Variants in EPHB1 observed in about 807,000 individuals in gnomAD.
The protein encoded by EPHB1 is ephrin type-B receptor 1.
EPHB1 carries 30 observed loss-of-function variants against 94.4 expected under a neutral mutation model. That is an observed-to-expected ratio of 0.32 (90% CI 0.24 to 0.43). EPHB1 has a LOEUF of 0.43. Ranked by LOEUF, EPHB1 falls within the 20% of genes least tolerant of loss-of-function variation. The pLI, the probability that EPHB1 is intolerant of heterozygous loss-of-function variation, is 1.00. For synonymous variants in EPHB1, 522 were observed against 489.1 expected (o/e 1.07, Z -0.89); for missense variants, 1,055 against 1,308.3 (o/e 0.81, Z 2.99).
chr3:135,208,292 TGTGTGTGTGTGTGTGTGTGTGTGTGTGTG>T, intron 12 of EPHB1, among the ~76,000 whole-genome samples: 1 of 109,048 alleles, frequency 9.2e-6, no homozygotes, highest in African/African-American at 3.6e-5. Context: ...TTTCATGACG[TGTGTGTGTGTGTGTGTGTGTGTGTGTGTG>T]TGTGTGTGTG....
intron 1 of EPHB1, among the ~76,000 whole-genome samples, chr3:134,870,817 C>G (rs992856297): frequency 3.3e-5 from 5 of 152,234 alleles, no homozygotes; most frequent in African/African-American, 7.2e-5. Flanking sequence ...AGTATCTGCT[C>G]CCTCTTAGCC....
intron 11 of EPHB1, among the ~76,000 whole-genome samples, chr3:135,194,925 G>C (rs1942557720): frequency 6.6e-6 from 1 of 151,996 alleles, no homozygotes; most frequent in South Asian, 2.1e-4. Flanking sequence ...TAGTCATCCT[G>C]TGTGTACATT....
At chr3:135,222,418 G>T (rs1420812795) in intron 12 of EPHB1, among the ~76,000 whole-genome samples, 1 of 152,122 alleles carries the variant, frequency 6.6e-6, no homozygotes. Context: ...TGGAAGTCCC[G>T]CGGTTCTCAT....
chr3:135,248,132 G>A (rs1191148064), intron 13 of EPHB1, among the ~76,000 whole-genome samples, 184 bp from the exon 14 acceptor site: 3 of 152,222 alleles, frequency 2.0e-5, no homozygotes, highest in Non-Finnish European at 4.4e-5. Context: ...CTTTCTAGGA[G>A]CCCAATGTCT....
chr3:134,799,479 G>C lies in EPHB1; in HGVS notation c.58+3790G>C, dbSNP rs950243772. 3.9e-5 allele frequency among the ~76,000 whole-genome samples: 6 copies of C among 152,368 alleles called. 1 individual carries two copies. The East Asian group carries it at 9.6e-4, about 24-fold the overall frequency. The stretch of plus-strand genomic sequence containing the variant: ...GAACGATCACCATTACTCAGTGTTT[G>C]TGGAGCTGCCTCCTCAAGCCACGCA... On this transcript the variant is annotated intron_variant, in intron 1 of 15. Transcript: ENST00000398015.
Position 135,249,439 on chromosome 3 carries a change from T to G in EPHB1, c.2794T>G (p.Phe932Val). Reference sequence around the variant, plus strand: ...CAAAATGGTCCAGTACAGGGACAGCTTCCTCACTGCTGGCTTCACCTCCCT... The same window carrying G: ...CAAAATGGTCCAGTACAGGGACAGCGTCCTCACTGCTGGCTTCACCTCCCT... ...AIKMVQYRDS[F>V]LTAGFTSLQL... The change falls in exon 15 of 16, where the codon TTC becomes GTC. Residue 932 changes from phenylalanine (F) to valine (V), a missense_variant. Transcript: ENST00000398015. 6.2e-7 allele frequency: 1 copy of G among 1,614,050 alleles called. No homozygotes were observed. The highest frequency in any genetic ancestry group is 8.5e-7 in the Non-Finnish European group (1 of 1,179,892).
At chr3:135,059,953 G>C (rs899494261) in intron 3 of EPHB1, among the ~76,000 whole-genome samples, 1 of 152,206 alleles carries the variant, frequency 6.6e-6, no homozygotes, top group Admixed American at 6.5e-5. Flanking sequence ...CTGTAGATTA[G>C]CAAAGAGAAC....
At chr3:135,178,219 C>T (rs994534325) in intron 9 of EPHB1, among the ~76,000 whole-genome samples, 7 of 96,238 alleles carry the variant, frequency 7.3e-5, no homozygotes, top group African/African-American at 2.4e-4. Context: ...TTTGGGAGGC[C>T]GGGGAGGGGG....
intron 1 of EPHB1, among the ~76,000 whole-genome samples, chr3:134,872,939 T>C (rs2037533046): frequency 1.3e-5 from 2 of 152,142 alleles, no homozygotes; most frequent in African/African-American, 2.4e-5. Flanking sequence ...AATGATCAAT[T>C]TGAGATACTG....
intron 3 of EPHB1, among the ~76,000 whole-genome samples, chr3:135,011,080 C>A (rs1170151224): frequency 6.6e-6 from 1 of 152,208 alleles, no homozygotes; most frequent in African/African-American, 2.4e-5. Flanking sequence ...ATGCTTGAAT[C>A]TTCTTGCCTA....
At chr3:134,877,868 C>T (rs991752075) in intron 1 of EPHB1, among the ~76,000 whole-genome samples, 2 of 152,174 alleles carry the variant, frequency 1.3e-5, no homozygotes, top group Admixed American at 6.5e-5. Context: ...AGGCCAGATC[C>T]ACTCTCTAGA....
intron 15 of EPHB1, among the ~76,000 whole-genome samples, chr3:135,251,134 A>C (rs1248013722): frequency 3.3e-5 from 5 of 152,180 alleles, no homozygotes; most frequent in Admixed American, 3.3e-4. Flanking sequence ...CGATCCACTG[A>C]ACATCAGAAT....
intron 11 of EPHB1, among the ~76,000 whole-genome samples, chr3:135,197,024 G>A (rs146971531): frequency 1.3e-3 from 199 of 151,606 alleles, no homozygotes; most frequent in African/African-American, 4.6e-3. Context: ...AGGGAGGAAA[G>A]AGGCTGGAGG....
chr3:135,189,099 C>T (rs183359944), intron 10 of EPHB1, among the ~76,000 whole-genome samples: 20 of 152,274 alleles, frequency 1.3e-4, no homozygotes, highest in Middle Eastern at 3.4e-3. Flanking sequence ...AATTAAATAA[C>T]GTTTCCCAAT....
At chr3:134,802,333 G>A (rs1238479456) in intron 1 of EPHB1, among the ~76,000 whole-genome samples, 3 of 150,468 alleles carry the variant, frequency 2.0e-5, no homozygotes, top group Non-Finnish European at 4.4e-5. Flanking sequence ...GTGACAGAGC[G>A]AGACTCTGTC....
intron 1 of EPHB1, among the ~76,000 whole-genome samples, chr3:134,804,600 C>T (rs969756481): frequency 6.6e-6 from 1 of 152,144 alleles, no homozygotes; most frequent in African/African-American, 2.4e-5. Flanking sequence ...TTCTGGTACT[C>T]CCTTCATAGG....
At chr3:134,989,492 C>T (rs1005545430) in intron 3 of EPHB1, among the ~76,000 whole-genome samples, 10 of 117,364 alleles carry the variant, frequency 8.5e-5, no homozygotes, top group African/African-American at 1.9e-4. Flanking sequence ...CACGCACGCG[C>T]GCGTGCACAC....
chr3:135,039,033 GAC>G (rs1359354301), intron 3 of EPHB1, among the ~76,000 whole-genome samples: 1 of 151,816 alleles, frequency 6.6e-6, no homozygotes, highest in Non-Finnish European at 1.5e-5. Flanking sequence ...ACAGAGTTTC[GAC>G]ACACAGGTTC....
At chr3:134,853,619 A>G (rs2037040615) in intron 1 of EPHB1, among the ~76,000 whole-genome samples, 1 of 152,188 alleles carries the variant, frequency 6.6e-6, no homozygotes, top group Admixed American at 6.5e-5. Context: ...AGGAGATTGG[A>G]TATATGGATC....
Sources: allele counts gnomAD v4.1 joint callset (sites outside exome capture counted in the v4.1 genomes callset), GRCh38; gene constraint gnomAD v4.1.1; transcripts MANE v1.5; gene names NCBI Gene and HGNC (gene_info 2026-07-23, HGNC 2026-07-21).